The following P2RX3 variants were observed in gnomAD, a reference collection of about 807,000 sequenced individuals.
P2RX3 encodes the protein P2X purinoceptor 3.
A neutral mutation model predicts 51.5 loss-of-function variants in P2RX3; 41 were observed. That is an observed-to-expected ratio of 0.80 (90% CI 0.62 to 1.03). P2RX3 has a LOEUF of 1.03. Among genes scored for constraint, P2RX3 ranks in the 50% least tolerant of loss-of-function variants. The pLI, the probability that P2RX3 is intolerant of heterozygous loss-of-function variation, is 0.00. For missense variants in P2RX3, 459 were observed against 522.1 expected (o/e 0.88, Z 1.18); for synonymous variants, 185 against 191.6 (o/e 0.97, Z 0.29).
At chr11:57,360,209 C>CT (rs1183050253) in intron 8 of P2RX3, among the ~76,000 whole-genome samples, 1 of 152,164 alleles carries the variant, frequency 6.6e-6, no homozygotes, top group Non-Finnish European at 1.5e-5. Context: ...CGCATTGCCC[C>CT]TATCGAGAGG....
At chr11:57,355,238 C>T (rs943323342) in intron 8 of P2RX3, among the ~76,000 whole-genome samples, 19 of 152,158 alleles carry the variant, frequency 1.2e-4, no homozygotes, top group Non-Finnish European at 1.9e-4. Context: ...TTTATGCCCC[C>T]GATGAAAATG....
chr11:57,368,144 A>G (rs771449478), intron 9 of P2RX3, 42 bp downstream of exon 9: 1 of 1,578,002 alleles, frequency 6.3e-7, no homozygotes. Flanking sequence ...CAGGGGAGGC[A>G]GCCCAGACCA....
chr11:57,340,337 C>G (rs913560834), intron 1 of P2RX3, among the ~76,000 whole-genome samples: 2 of 152,202 alleles, frequency 1.3e-5, no homozygotes, highest in African/African-American at 2.4e-5. Context: ...TCCTCCAGTC[C>G]TCAGGGCTGG....
Position 57,348,159 on chromosome 11 carries a change from T to C in P2RX3, c.392-11T>C. 1.3e-6 allele frequency: 2 copies of C among 1,569,832 alleles called. No homozygotes were observed. The highest frequency in any genetic ancestry group is 1.7e-6 in the Non-Finnish European group (2 of 1,155,994). On this transcript the variant is annotated splice_polypyrimidine_tract_variant and intron_variant, in intron 4 of 11. Coordinates refer to ENST00000263314, the MANE Select transcript of P2RX3 (RefSeq NM_002559.5). The stretch of plus-strand genomic sequence containing the variant: ...CAGGCAGCCACCCAGCAGCTGTGGC[T>C]CTCACTTTAGGGATCCTCACTGGCC...
At chr11:57,351,289 G>A (rs930821971) in intron 8 of P2RX3, among the ~76,000 whole-genome samples, 1 of 152,148 alleles carries the variant, frequency 6.6e-6, no homozygotes, top group Admixed American at 6.5e-5. Context: ...AAGGTTTCTC[G>A]CTCTACAAAG....
rs554059503 is a variant in P2RX3, at chr11:57,368,544, G to A, written c.1002+107G>A. 5.6e-6 allele frequency: 7 copies of A among 1,241,924 alleles called. No homozygotes were observed. In the African/African-American group the frequency reaches 7.4e-5, roughly 13 times the overall value. The allele number at this position is 1,241,924 out of a possible 1,614,324, so 76.9% of individuals were successfully genotyped here. A position where few individuals can be genotyped will look rare whatever the true frequency, so the allele number is the denominator to read the frequency against. Reference sequence around the variant, plus strand: ...GCAAAACTCTGCCTCTGCCTGGAATGTAAAACCCCTACCCCCACTTGCTAG... The same window carrying A: ...GCAAAACTCTGCCTCTGCCTGGAATATAAAACCCCTACCCCCACTTGCTAG... On this transcript the variant is annotated intron_variant, in intron 10 of 11. Transcript: ENST00000263314.
chr11:57,350,632 C>G, intron 7 of P2RX3, 130 bp from the exon 8 acceptor site: 1 of 1,297,258 alleles, frequency 7.7e-7, no homozygotes, highest in Non-Finnish European at 1.1e-6. Context: ...TTTCCGTTCT[C>G]CCTGCCTCCG....
At chr11:57,338,706 G>A (rs770426321) in intron 1 of P2RX3, 37 bp downstream of exon 1, 4 of 1,438,160 alleles carry the variant, frequency 2.8e-6, no homozygotes, top group Non-Finnish European at 2.9e-6. Flanking sequence ...GGCGGGGTGG[G>A]CTGCCTGGTA....
At position 57,348,700 on chromosome 11, in the gene P2RX3, G is replaced by A. The variant is rs748935238; in HGVS notation, c.559G>A (p.Glu187Lys). The A allele has an allele frequency of 6.2e-7, 1 of 1,612,360 alleles. No individual in the cohort carries two copies. Among genetic ancestry groups the A allele is most frequent in the African/African-American group, 1.3e-5 (1 of 75,006 alleles). Residue 187 changes from glutamate to lysine, a missense_variant, in exon 6 of 12, where the codon GAG (glutamate) becomes AAG (lysine). Glu to Lys is a moderately conservative substitution (Grantham distance 56). Transcript: ENST00000263314. ...NSIRFPLFNF[E>K]KGNLLPNLTA... ...CATCCGTTTCCCCCTCTTCAACTTT[G>A]AGAAGTGAGTCCCCACTCCTTCCCT...
At chr11:57,355,409 C>T (rs895169298) in intron 8 of P2RX3, among the ~76,000 whole-genome samples, 1 of 137,448 alleles carries the variant, frequency 7.3e-6, no homozygotes, top group African/African-American at 2.7e-5. Context: ...GCAGTAGTCT[C>T]GGCTCACTGC....
At chr11:57,336,314 C>T (rs1211810675), upstream of P2RX3, among the ~76,000 whole-genome samples, 3 of 152,088 alleles carry the variant, frequency 2.0e-5, no homozygotes, top group Non-Finnish European at 4.4e-5. Flanking sequence ...TGCTTTCTGG[C>T]TGAACTGTCA....
rs1856893814 is a variant in P2RX3 at position 57,371,933 on chromosome 11, C to T, written c.*1936C>T. On this transcript the variant is annotated 3_prime_UTR_variant, in exon 12 of 12. Coordinates refer to ENST00000263314, the MANE Select transcript of P2RX3 (RefSeq NM_002559.5). The stretch of plus-strand genomic sequence containing the variant: ...CTTTTACCCAGATGGAGGTGGTCCT[C>T]CTGTAGGTGCCTCCGCCCCTCTGGA... Among the ~76,000 whole-genome samples, 1 of 150,484 alleles carries T rather than the reference C, an allele frequency of 6.6e-6. No homozygotes were observed. Among genetic ancestry groups the T allele is most frequent in the South Asian group, 2.1e-4 (1 of 4,690 alleles).
At chr11:57,336,830 G>A (rs1030345780), upstream of P2RX3, among the ~76,000 whole-genome samples, 17 of 152,210 alleles carry the variant, frequency 1.1e-4, no homozygotes, top group Non-Finnish European at 2.5e-4. Context: ...TGGGGTAAGA[G>A]ACAACAGGAA....
At chr11:57,336,518 G>A (rs1443510388), upstream of P2RX3, among the ~76,000 whole-genome samples, 4 of 152,186 alleles carry the variant, frequency 2.6e-5, no homozygotes, top group Admixed American at 1.3e-4. Flanking sequence ...AGTGCATTTT[G>A]CAACATCAGA....
intron 8 of P2RX3, among the ~76,000 whole-genome samples, chr11:57,358,983 C>T (rs1565070005): frequency 6.6e-6 from 1 of 152,134 alleles, no homozygotes; most frequent in Non-Finnish European, 1.5e-5. Flanking sequence ...TGTCTGGTCA[C>T]AGCTAGGGGT....
intron 8 of P2RX3, among the ~76,000 whole-genome samples, chr11:57,360,095 C>T (rs949094785): frequency 2.0e-5 from 3 of 152,242 alleles, no homozygotes; most frequent in African/African-American, 4.8e-5. Flanking sequence ...CGCCAGCTAA[C>T]TCATTCAGCT....
At chr11:57,365,817 T>C (rs987043992) in intron 8 of P2RX3, among the ~76,000 whole-genome samples, 2 of 152,222 alleles carry the variant, frequency 1.3e-5, no homozygotes, top group African/African-American at 4.8e-5. Context: ...TCCTTCCCCA[T>C]CACAAGTTAT....
chr11:57,349,006 G>A (rs117612933), intron 6 of P2RX3, among the ~76,000 whole-genome samples: 2,701 of 152,282 alleles, frequency 0.018, 37 homozygotes, highest in Non-Finnish European at 0.028. Context: ...TGCCTTCAAC[G>A]GTTGAAACCC....
At chr11:57,369,748 C>T (rs1220970951) in intron 11 of P2RX3, 136 bp from the exon 12 acceptor site, 1 of 693,910 alleles carries the variant, frequency 1.4e-6, no homozygotes, top group African/African-American at 1.8e-5. Context: ...TGGGAGGGGC[C>T]TTGGGATCAC....
Sources: allele counts gnomAD v4.1 joint callset (sites outside exome capture counted in the v4.1 genomes callset), GRCh38; gene constraint gnomAD v4.1.1; transcripts MANE v1.5; gene names NCBI Gene and HGNC (gene_info 2026-07-23, HGNC 2026-07-21).